The following COL22A1 variants were observed in gnomAD, a reference collection of about 807,000 sequenced individuals.
COL22A1 encodes the protein collagen alpha-1(XXII) chain.
In COL22A1, 221 loss-of-function variants were observed where a neutral mutation model predicts 248.9. That is an observed-to-expected ratio of 0.89 (90% confidence interval 0.80 to 0.99). COL22A1 has a LOEUF of 0.99. COL22A1 is among the 50% of genes least tolerant of loss of function. The pLI, the probability that COL22A1 is intolerant of heterozygous loss-of-function variation, is 0.00. For synonymous variants in COL22A1, 891 were observed against 793.4 expected, an observed-to-expected ratio of 1.12 and a Z score of -2.07; for missense variants, 2,240 against 2,179.0, an observed-to-expected ratio of 1.03 and a Z score of -0.56.
chr8:138,719,340 C>A (rs1829691818), intron 27 of COL22A1, among the ~76,000 whole-genome samples: 1 of 151,962 alleles, frequency 6.6e-6, no homozygotes, highest in Non-Finnish European at 1.5e-5. Context: ...AATATTGAAT[C>A]TTAAAATAAG....
chr8:138,646,002 A>G (rs180916035), intron 47 of COL22A1, among the ~76,000 whole-genome samples: 2 of 152,270 alleles, frequency 1.3e-5, no homozygotes, highest in East Asian at 3.9e-4. Context: ...CTTAGAGCTA[A>G]ATACTAACAC....
At chr8:138,664,227 A>G (rs1049839008) in intron 41 of COL22A1, among the ~76,000 whole-genome samples, 2,728 of 148,444 alleles carry the variant, frequency 0.018, 58 homozygotes, top group Non-Finnish European at 0.024. Context: ...ACACACACAC[A>G]CACACACACA....
intron 1 of COL22A1, among the ~76,000 whole-genome samples, chr8:138,895,660 C>A (rs1006433197): frequency 6.6e-6 from 1 of 152,096 alleles, no homozygotes; most frequent in African/African-American, 2.4e-5. Flanking sequence ...TGAGCAGAGC[C>A]TCAGAAATCT....
chr8:138,722,891 G>A (rs1830004970), intron 25 of COL22A1, among the ~76,000 whole-genome samples: 1 of 145,082 alleles, frequency 6.9e-6, no homozygotes, highest in Non-Finnish European at 1.5e-5. Context: ...GGCCTGTTGG[G>A]GTGTGGAGGG....
At chr8:138,638,464 C>G (rs756460535) in intron 47 of COL22A1, among the ~76,000 whole-genome samples, 1 of 152,124 alleles carries the variant, frequency 6.6e-6, no homozygotes, top group East Asian at 1.9e-4. Flanking sequence ...CCACAGTTCT[C>G]TCATGGAAAC....
intron 56 of COL22A1, among the ~76,000 whole-genome samples, 165 bp downstream of exon 56, chr8:138,613,702 G>A (rs1419360065): frequency 5.3e-5 from 8 of 151,446 alleles, no homozygotes; most frequent in African/African-American, 1.9e-4. Flanking sequence ...AGTGTTGGGG[G>A]AGGTGACTAG....
intron 37 of COL22A1, among the ~76,000 whole-genome samples, chr8:138,687,631 C>A (rs772329696): frequency 2.6e-5 from 4 of 152,182 alleles, no homozygotes; most frequent in East Asian, 1.9e-4. Context: ...CCACATGGTA[C>A]CCTTGTCACC....
At chr8:138,803,696 C>T (rs1215468206) in intron 10 of COL22A1, among the ~76,000 whole-genome samples, 4 of 152,110 alleles carry the variant, frequency 2.6e-5, no homozygotes, top group African/African-American at 9.7e-5. Context: ...AGGAAAAACT[C>T]ATCACAAGCC....
At chr8:138,617,657 G>A (rs371136038) in intron 53 of COL22A1, among the ~76,000 whole-genome samples, 13 of 152,228 alleles carry the variant, frequency 8.5e-5, no homozygotes, top group South Asian at 4.2e-4. Context: ...AAAAATGCCC[G>A]CCTGGCATAG....
In COL22A1 at chr8:138,589,237, G is replaced by A; in HGVS notation, c.*16C>T. 6.2e-7 allele frequency: 1 copy of A among 1,611,236 alleles called. No individual in the cohort carries two copies. Among genetic ancestry groups the A allele is most frequent in the Non-Finnish European group, 8.5e-7 (1 of 1,178,718 alleles). Reference sequence around the variant, plus strand: ...TTTCAGAAATCCACTGCAGTCTTCTGGCTTTCCAGAGTCCTTTAGGGACCC... The same window carrying A: ...TTTCAGAAATCCACTGCAGTCTTCTAGCTTTCCAGAGTCCTTTAGGGACCC... On this transcript the variant is annotated 3_prime_UTR_variant, in exon 65 of 65. Transcript: ENST00000303045.
intron 12 of COL22A1, among the ~76,000 whole-genome samples, chr8:138,782,248 T>G (rs1815078825): frequency 6.6e-6 from 1 of 151,998 alleles, no homozygotes; most frequent in Non-Finnish European, 1.5e-5. Flanking sequence ...AGACATGGTC[T>G]TGTTCTTTCA....
intron 47 of COL22A1, among the ~76,000 whole-genome samples, chr8:138,638,542 A>G (rs966466476): frequency 2.0e-5 from 3 of 152,122 alleles, no homozygotes; most frequent in African/African-American, 7.2e-5. Flanking sequence ...GACAGTGACT[A>G]TCTAATAATC....
chr8:138,623,843 A>G (rs900476777), intron 51 of COL22A1, 58 bp from the exon 52 acceptor site: 1 of 1,508,810 alleles, frequency 6.6e-7, no homozygotes, highest in Non-Finnish European at 9.1e-7. Flanking sequence ...GGATGGAAAG[A>G]CGAAGGCAGT....
At chr8:138,630,608 A>G (rs1474567125) in intron 50 of COL22A1, 87 bp downstream of exon 50, 9 of 1,122,530 alleles carry the variant, frequency 8.0e-6, no homozygotes, top group Admixed American at 1.7e-5. Context: ...GGAGGCACAC[A>G]GGACAAGAGC....
At chr8:138,645,373 G>A (rs141365141) in intron 47 of COL22A1, among the ~76,000 whole-genome samples, 27 of 152,190 alleles carry the variant, frequency 1.8e-4, no homozygotes, top group Non-Finnish European at 2.5e-4. Context: ...CGAGCAGCCC[G>A]CCCTGAATCC....
chr8:138,857,448 C>G (rs142040389), intron 3 of COL22A1, among the ~76,000 whole-genome samples: 1 of 152,208 alleles, frequency 6.6e-6, no homozygotes, highest in African/African-American at 2.4e-5. Context: ...CCCCCGAGGC[C>G]GATCCATGCC....
intron 35 of COL22A1, 124 bp downstream of exon 35, chr8:138,693,522 G>C (rs992929713): frequency 2.1e-6 from 2 of 968,614 alleles, no homozygotes; most frequent in Non-Finnish European, 3.2e-6. Flanking sequence ...CTCAAGTGTG[G>C]GTGAACCTTC....
At chr8:138,713,482 G>A (rs1376188990) in intron 30 of COL22A1, among the ~76,000 whole-genome samples, 4 of 152,172 alleles carry the variant, frequency 2.6e-5, no homozygotes, top group Non-Finnish European at 4.4e-5. Flanking sequence ...TGATTTCCCC[G>A]CACGCTGTTC....
intron 49 of COL22A1, among the ~76,000 whole-genome samples, chr8:138,634,770 A>G (rs892560799): frequency 3.9e-5 from 6 of 152,158 alleles, no homozygotes; most frequent in African/African-American, 1.2e-4. Flanking sequence ...GTCTTTGCCA[A>G]TGTCCCCCAG....
Sources: gnomAD v4.1 joint callset for allele counts (sites outside exome capture counted in the v4.1 genomes callset) on GRCh38, gnomAD v4.1.1 for gene constraint, MANE v1.5 for transcripts, NCBI Gene and HGNC (gene_info 2026-07-23, HGNC 2026-07-21) for gene names.